The following PCDH9 variants were observed in gnomAD, a reference collection of about 807,000 sequenced individuals.
PCDH9 encodes protocadherin-9.
PCDH9 carries 24 observed loss-of-function variants against 70.6 expected under a neutral mutation model. The observed-to-expected ratio is 0.34, with a 90% confidence interval of 0.25 to 0.48. The LOEUF (loss-of-function observed/expected upper bound fraction) is 0.48, where lower values mean the gene tolerates loss of function less well. PCDH9 is among the 20% of genes least tolerant of loss of function. The pLI is 0.99. For missense variants in PCDH9, 1,281 were observed against 1,503.6 expected (o/e 0.85, Z 2.45); for synonymous variants, 562 against 558.5 (o/e 1.01, Z -0.09).
At chr13:66,568,870 G>A (rs948064469) in intron 4 of PCDH9, among the ~76,000 whole-genome samples, 24 of 151,692 alleles carry the variant, frequency 1.6e-4, no homozygotes, top group African/African-American at 5.6e-4. Context: ...CTGGAGGGGT[G>A]GGTTTCTAAA....
At chr13:66,468,598 G>A (rs1488668499) in intron 4 of PCDH9, among the ~76,000 whole-genome samples, 2 of 152,078 alleles carry the variant, frequency 1.3e-5, no homozygotes, top group East Asian at 1.9e-4. Flanking sequence ...GCTATTAAAT[G>A]TTTCCCAGAA....
intron 2 of PCDH9, among the ~76,000 whole-genome samples, chr13:66,999,594 G>T (rs941923008): frequency 6.6e-6 from 1 of 151,372 alleles, no homozygotes; most frequent in Non-Finnish European, 1.5e-5. Context: ...CTGACAAAGG[G>T]CTAATATCCA....
chr13:66,976,873 C>A (rs373693248), intron 2 of PCDH9, among the ~76,000 whole-genome samples: 12 of 152,170 alleles, frequency 7.9e-5, no homozygotes, highest in African/African-American at 2.6e-4. Context: ...CCTTTATTAT[C>A]ATTTTTTCAT....
intron 3 of PCDH9, among the ~76,000 whole-genome samples, chr13:66,768,463 A>T (rs555102433): frequency 6.6e-6 from 1 of 152,170 alleles, no homozygotes; most frequent in East Asian, 1.9e-4. Context: ...AGGGAAATAT[A>T]CTCTATGCTA....
At chr13:66,970,083 A>G (rs1237142272) in intron 2 of PCDH9, among the ~76,000 whole-genome samples, 1 of 152,076 alleles carries the variant, frequency 6.6e-6, no homozygotes, top group Non-Finnish European at 1.5e-5. Flanking sequence ...CCTGCCTCAG[A>G]CATTCTTGCA....
At chr13:66,554,422 T>G (rs1224580609) in intron 4 of PCDH9, among the ~76,000 whole-genome samples, 4 of 152,140 alleles carry the variant, frequency 2.6e-5, no homozygotes, top group African/African-American at 7.2e-5. Context: ...TTAAGGCTAT[T>G]ACATATTTCT....
intron 3 of PCDH9, among the ~76,000 whole-genome samples, chr13:66,744,028 G>A (rs2079316940): frequency 6.6e-6 from 1 of 152,100 alleles, no homozygotes; most frequent in Non-Finnish European, 1.5e-5. Context: ...TGCATAAAAA[G>A]ATGGCCAGAA....
At chr13:66,683,758 T>G (rs1297960743) in intron 3 of PCDH9, among the ~76,000 whole-genome samples, 1 of 152,150 alleles carries the variant, frequency 6.6e-6, no homozygotes, top group Non-Finnish European at 1.5e-5. Context: ...TAATCTTTAT[T>G]CTAAATTGCA....
intron 3 of PCDH9, among the ~76,000 whole-genome samples, chr13:66,814,377 T>G (rs189851328): frequency 6.6e-6 from 1 of 152,218 alleles, no homozygotes; most frequent in East Asian, 1.9e-4. Flanking sequence ...ATGTTGAAGT[T>G]TATGAGAAAA....
At chr13:66,772,490 T>C (rs1207345612) in intron 3 of PCDH9, among the ~76,000 whole-genome samples, 1 of 152,224 alleles carries the variant, frequency 6.6e-6, no homozygotes. Flanking sequence ...TATTCTTTTA[T>C]ATTAGAGTCT....
intron 4 of PCDH9, among the ~76,000 whole-genome samples, chr13:66,408,379 A>T (rs1274313587): frequency 6.6e-6 from 1 of 152,224 alleles, no homozygotes; most frequent in African/African-American, 2.4e-5. Flanking sequence ...CTTAACAGGG[A>T]TGACAGAACT....
At chr13:66,723,389 A>G (rs750865285) in intron 3 of PCDH9, among the ~76,000 whole-genome samples, 6 of 152,214 alleles carry the variant, frequency 3.9e-5, no homozygotes, top group Non-Finnish European at 8.8e-5. Flanking sequence ...TTTTCAGAAT[A>G]AAATTTTCAA....
chr13:66,803,295 G>T (rs1222659301), intron 3 of PCDH9, among the ~76,000 whole-genome samples: 2 of 152,144 alleles, frequency 1.3e-5, no homozygotes, highest in Non-Finnish European at 2.9e-5. Context: ...GCTATCACAT[G>T]CAGAGATGGT....
At chr13:66,893,692 A>G (rs1032391261) in intron 3 of PCDH9, among the ~76,000 whole-genome samples, 6 of 152,162 alleles carry the variant, frequency 3.9e-5, no homozygotes, top group Non-Finnish European at 7.4e-5. Flanking sequence ...AATAACATAT[A>G]CAACTAAAAT....
intron 4 of PCDH9, among the ~76,000 whole-genome samples, chr13:66,594,085 A>G (rs9540835): frequency 0.98 from 148,456 of 151,814 alleles, 72,684 homozygotes; most frequent in East Asian, 1. Context: ...ATAGAGCTTC[A>G]CTAAAGTTAA....
intron 4 of PCDH9, among the ~76,000 whole-genome samples, chr13:66,603,063 A>C (rs2077182036): frequency 6.8e-6 from 1 of 146,052 alleles, no homozygotes; most frequent in Admixed American, 6.9e-5. Context: ...GACCAAAATC[A>C]TCTAAGGATA....
intron 4 of PCDH9, among the ~76,000 whole-genome samples, chr13:66,314,437 C>A (rs1264564544): frequency 6.6e-6 from 1 of 152,144 alleles, no homozygotes; most frequent in Non-Finnish European, 1.5e-5. Context: ...TTGATGATAC[C>A]ACACCCTTGC....
At chr13:66,842,526 C>G (rs888072241) in intron 3 of PCDH9, among the ~76,000 whole-genome samples, 1 of 152,142 alleles carries the variant, frequency 6.6e-6, no homozygotes, top group Non-Finnish European at 1.5e-5. Context: ...GATTTGACCT[C>G]TTTTAGCCCC....
intron 4 of PCDH9, among the ~76,000 whole-genome samples, chr13:66,619,772 G>A (rs1379645557): frequency 6.6e-6 from 1 of 151,964 alleles, no homozygotes; most frequent in Non-Finnish European, 1.5e-5. Flanking sequence ...AAATATCCCT[G>A]GAACTTTCAA....
Sources: allele counts gnomAD v4.1 joint callset (sites outside exome capture counted in the v4.1 genomes callset), GRCh38; gene constraint gnomAD v4.1.1; transcripts MANE v1.5; gene names NCBI Gene and HGNC (gene_info 2026-07-23, HGNC 2026-07-21).